The following ARHGEF28 variants were observed in gnomAD, a reference collection of about 807,000 sequenced individuals.
ARHGEF28 encodes Rho guanine nucleotide exchange factor 28.
ARHGEF28 carries 152 observed loss-of-function variants against 206.6 expected under a neutral mutation model. The ratio of observed to expected loss-of-function variants is 0.74; its 90% confidence interval spans 0.64 to 0.84. ARHGEF28 has a LOEUF of 0.84. ARHGEF28 is among the 40% of genes least tolerant of loss of function. ARHGEF28 has a pLI of 0.00. For missense variants in ARHGEF28, 2,028 were observed against 2,073.2 expected, an observed-to-expected ratio of 0.98 and a Z score of 0.42; for synonymous variants, 763 against 776.4, an observed-to-expected ratio of 0.98 and a Z score of 0.29.
intron 1 of ARHGEF28, among the ~76,000 whole-genome samples, chr5:73,652,608 A>G (rs1280248869): frequency 6.6e-6 from 1 of 152,236 alleles, no homozygotes; most frequent in African/African-American, 2.4e-5. Context: ...TATGAGTGAC[A>G]TGAGGAAAGT....
Position 73,655,731 on chromosome 5 carries a change from A to G in ARHGEF28, c.-11-29110A>G, listed in dbSNP as rs936256423. ...GGCTGGTCCACAGGGAGCCAGGGGT[A>G]ATTTGGGCCGCCCAGTTCTTAGTCT... On this transcript the variant is annotated intron_variant, in intron 1 of 35. Coordinates refer to ENST00000513042, the MANE Select transcript of ARHGEF28 (RefSeq NM_001177693.2). Among the ~76,000 whole-genome samples the G allele has an allele frequency of 2.0e-5, 3 of 152,274 alleles. No homozygotes were observed. The South Asian group carries it at 6.2e-4, about 32-fold the overall frequency.
rs572274150 is a variant in ARHGEF28, at chr5:73,794,525, T to A, written c.963+71T>A. On this transcript the variant is annotated intron_variant, in intron 8 of 35. Coordinates refer to ENST00000513042, the MANE Select transcript of ARHGEF28 (RefSeq NM_001177693.2). Reference sequence around the variant, plus strand: ...AGTAGAAATGAAGATTTAGTGGTAATAAAAATGTTTAAAAAACACTAAAAA... The same window carrying A: ...AGTAGAAATGAAGATTTAGTGGTAAAAAAAATGTTTAAAAAACACTAAAAA... 2.8e-4 allele frequency: 338 copies of A among 1,210,412 alleles called. 4 individuals are homozygous for A. In the African/African-American group the frequency reaches 4.6e-3, roughly 16 times the overall value. 75.0% of individuals were successfully genotyped at this position (1,210,412 alleles called of 1,614,324 possible). A position where few individuals can be genotyped will look rare whatever the true frequency, so the allele number is the denominator to read the frequency against.
At chr5:73,781,308 C>T (rs567521274) in intron 7 of ARHGEF28, among the ~76,000 whole-genome samples, 44 of 152,210 alleles carry the variant, frequency 2.9e-4, no homozygotes, top group Non-Finnish European at 5.3e-4. Flanking sequence ...GATTCAGAGA[C>T]GGCATGTGTG....
chr5:73,931,103 GT>G (rs1764092736), intron 35 of ARHGEF28, among the ~76,000 whole-genome samples: 2 of 152,122 alleles, frequency 1.3e-5, no homozygotes, highest in Non-Finnish European at 2.9e-5. Flanking sequence ...TCTGACACTT[GT>G]TTTTTAAATA....
intron 28 of ARHGEF28, among the ~76,000 whole-genome samples, chr5:73,893,685 G>C (rs1386514655): frequency 1.3e-5 from 2 of 152,182 alleles, no homozygotes; most frequent in African/African-American, 4.8e-5. Context: ...GACTAGCTCA[G>C]TGATTCTCTA....
intron 4 of ARHGEF28, among the ~76,000 whole-genome samples, chr5:73,767,047 GT>G (rs1752936294): frequency 1.3e-5 from 2 of 152,138 alleles, no homozygotes; most frequent in South Asian, 2.1e-4. Context: ...AGATCTGATG[GT>G]TTTTAAAATA....
intron 13 of ARHGEF28, 135 bp from the exon 14 acceptor site, chr5:73,852,515 G>C: frequency 1.3e-6 from 1 of 753,232 alleles, no homozygotes; most frequent in East Asian, 2.5e-5. Flanking sequence ...CTTATATAAG[G>C]TAACTCATTT....
At chr5:73,934,954 G>C (rs1252583538) in intron 35 of ARHGEF28, among the ~76,000 whole-genome samples, 1 of 152,210 alleles carries the variant, frequency 6.6e-6, no homozygotes, top group Non-Finnish European at 1.5e-5. Context: ...CTTGTGATGT[G>C]AAGGCCATGG....
intron 9 of ARHGEF28, among the ~76,000 whole-genome samples, chr5:73,821,721 A>G (rs1172601981): frequency 6.6e-6 from 1 of 151,914 alleles, no homozygotes; most frequent in Non-Finnish European, 1.5e-5. Context: ...GATGTGGACT[A>G]ATTTGCTTTA....
chr5:73,923,168 A>G, intron 35 of ARHGEF28: 1 of 1,535,360 alleles, frequency 6.5e-7, no homozygotes, highest in Non-Finnish European at 8.7e-7. Flanking sequence ...TTGAAAGGTA[A>G]TACTGCAAGG....
chr5:73,868,100 C>G lies in ARHGEF28; in HGVS notation c.2298C>G (p.Ser766Arg). 6.2e-7 allele frequency: 1 copy of G among 1,612,462 alleles called. No homozygotes were observed. The highest frequency in any genetic ancestry group is 8.5e-7 in the Non-Finnish European group (1 of 1,179,248). The change falls in exon 20 of 36, where the codon AGC (serine) becomes AGG (arginine). Residue 766 changes from serine to arginine, a missense_variant and splice_region_variant. Physicochemically the swap from Ser to Arg is moderately radical, Grantham distance 110. This residue lies in a region of ARHGEF28 where 1,002 missense variants were observed against 1,015.3 expected (regional missense o/e 0.99). Coordinates refer to ENST00000513042, the MANE Select transcript of ARHGEF28 (RefSeq NM_001177693.2). ...CTTTGCTCCCCTCCCTCTCTCCTAG[C>G]TTCAGGAGGTCAGCCACATCCTTGG... ...SRSVPGTTLE[S>R]FRRSATSLES...
chr5:73,864,407 C>A (rs115551861), intron 16 of ARHGEF28, among the ~76,000 whole-genome samples: 1,693 of 152,240 alleles, frequency 0.011, 24 homozygotes, highest in Middle Eastern at 0.02. Context: ...TGTTTTCTTT[C>A]TTCTGGTTGT....
chr5:73,806,741 T>TGCC (rs1755516394), intron 9 of ARHGEF28, among the ~76,000 whole-genome samples: 3 of 143,924 alleles, frequency 2.1e-5, no homozygotes, highest in African/African-American at 7.6e-5. Context: ...CATCTATATG[T>TGCC]ACCATATATA....
At chr5:73,662,554 T>C (rs1428647484) in intron 1 of ARHGEF28, among the ~76,000 whole-genome samples, 1 of 152,240 alleles carries the variant, frequency 6.6e-6, no homozygotes, top group Non-Finnish European at 1.5e-5. Context: ...TAAAACCATG[T>C]GCTGCAATGG....
At chr5:73,717,866 AT>A (rs758854580) in intron 2 of ARHGEF28, among the ~76,000 whole-genome samples, 24 of 152,188 alleles carry the variant, frequency 1.6e-4, no homozygotes, top group Non-Finnish European at 3.5e-4. Flanking sequence ...ATTTATCAAT[AT>A]GGAATTTGTC....
At chr5:73,826,173 G>A (rs1756892739) in intron 9 of ARHGEF28, among the ~76,000 whole-genome samples, 1 of 152,158 alleles carries the variant, frequency 6.6e-6, no homozygotes, top group African/African-American at 2.4e-5. Flanking sequence ...ATTAAATACT[G>A]CTGTAGGTCA....
At chr5:73,723,465 C>A (rs570086243) in intron 2 of ARHGEF28, among the ~76,000 whole-genome samples, 1 of 152,276 alleles carries the variant, frequency 6.6e-6, no homozygotes, top group South Asian at 2.1e-4. Context: ...GGATTACAGG[C>A]GTGAGCCACC....
chr5:73,632,165 T>C, intron 1 of ARHGEF28, among the ~76,000 whole-genome samples: 1 of 152,142 alleles, frequency 6.6e-6, no homozygotes, highest in Non-Finnish European at 1.5e-5. Flanking sequence ...GTGGTGGTGT[T>C]TTCCTGGGTA....
chr5:73,690,552 G>T (rs1339094930), intron 2 of ARHGEF28, among the ~76,000 whole-genome samples: 5 of 90,320 alleles, frequency 5.5e-5, no homozygotes, highest in Admixed American at 2.2e-4. Flanking sequence ...AAAAAAAAAA[G>T]CCACGTGTGG....
Sources: allele counts gnomAD v4.1 joint callset (sites outside exome capture counted in the v4.1 genomes callset), GRCh38; gene constraint gnomAD v4.1.1; regional missense constraint gnomAD v4.1.1; transcripts MANE v1.5; gene names NCBI Gene and HGNC (gene_info 2026-07-23, HGNC 2026-07-21).